The following IL1RL2 variants were observed in gnomAD, a reference collection of about 807,000 sequenced individuals.
IL1RL2 encodes the protein interleukin 1 receptor like 2.
Under a neutral mutation model 66.8 loss-of-function variants are expected in IL1RL2, and 68 were observed. That is an observed-to-expected ratio of 1.02 (90% confidence interval 0.84 to 1.25). The LOEUF is 1.25. Ranked by LOEUF, IL1RL2 falls within the 50% of genes most tolerant of loss-of-function variation. IL1RL2 has a pLI of 0.00. For synonymous variants in IL1RL2, 305 were observed against 264.6 expected (o/e 1.15, Z -1.48); for missense variants, 729 against 709.3 (o/e 1.03, Z -0.32).
intron 4 of IL1RL2, among the ~76,000 whole-genome samples, chr2:102,195,555 CTTTCTCTTTCTT>C (rs1559529553): frequency 1.9e-5 from 1 of 53,372 alleles, no homozygotes; most frequent in African/African-American, 5.2e-5. Context: ...CTATTTCTTT[CTTTCTCTTTCTT>C]TCTTTCTTTC....
In IL1RL2 at chr2:102,225,613, G is replaced by T. The variant is rs532227663; in HGVS notation, c.992-285G>T. ...TTTGAAAGCAGTTCTCGTCCAGTTG[G>T]GTCCATGCTGCGTCTACCACCGGAA... On this transcript the variant is annotated intron_variant, in intron 8 of 11. Transcript: ENST00000264257. Among the ~76,000 whole-genome samples the T allele has an allele frequency of 7.9e-5, 12 of 152,150 alleles. No homozygotes were observed. The South Asian group carries it at 2.3e-3, about 29-fold the overall frequency.
chr2:102,222,886 G>T (rs146888756), intron 8 of IL1RL2, among the ~76,000 whole-genome samples: 2 of 152,288 alleles, frequency 1.3e-5, no homozygotes, highest in African/African-American at 4.8e-5. Flanking sequence ...ACTTAAATCT[G>T]TCCCAACCTA....
intron 9 of IL1RL2, among the ~76,000 whole-genome samples, chr2:102,230,625 A>G (rs918592924): frequency 2.0e-5 from 3 of 152,230 alleles, no homozygotes; most frequent in African/African-American, 7.2e-5. Flanking sequence ...GCAGGGAGCC[A>G]ACGAAGTCTC....
At chr2:102,211,989 C>A in intron 5 of IL1RL2, 111 bp from the exon 6 acceptor site, 1 of 635,684 alleles carries the variant, frequency 1.6e-6, no homozygotes, top group Non-Finnish European at 2.7e-6. Context: ...GAGATTTTGA[C>A]CAGAGCTTAT....
At chr2:102,212,043 C>T (rs2104802623) in intron 5 of IL1RL2, 57 bp from the exon 6 acceptor site, 1 of 1,282,526 alleles carries the variant, frequency 7.8e-7, no homozygotes, top group East Asian at 2.3e-5. Flanking sequence ...CATCAAAGTA[C>T]TTGGGAATGT....
intron 3 of IL1RL2, 128 bp from the exon 4 acceptor site, chr2:102,191,797 T>A: frequency 1.6e-6 from 1 of 630,156 alleles, no homozygotes; most frequent in Non-Finnish European, 2.7e-6. Context: ...GGATGCTTAG[T>A]GCTTTGTTAG....
At chr2:102,187,299 C>T (rs896469240) in intron 1 of IL1RL2, 1 of 1,174,302 alleles carries the variant, frequency 8.5e-7, no homozygotes, top group Non-Finnish European at 1.1e-6. Flanking sequence ...TCAGCTCCAG[C>T]GGCTCCCTGC....
Position 102,201,563 on chromosome 2 carries a change from A to G in IL1RL2, c.497A>G (p.Asn166Ser), listed in dbSNP as rs1688256369. 1 of 1,614,070 alleles carries G rather than the reference A, an allele frequency of 6.2e-7. No homozygotes were observed. The highest frequency in any genetic ancestry group is 2.2e-5 in the East Asian group (1 of 44,882). Residue 166 changes from asparagine (N) to serine (S), a missense_variant, in exon 5 of 12, where the codon AAC (asparagine) becomes AGC (serine). By Grantham distance (46) the Asn-to-Ser change is conservative. Transcript: ENST00000264257. The part of the protein sequence containing the change: ...LGPIKWYKDC[N>S]EIKGERFTVL... ...TGTTTTTATTTGTATTAGGACTGTA[A>G]CGAGATTAAAGGGGAGCGGTTCACT...
chr2:102,195,631 C>CTTTCTTTCTTTCTT (rs1559530311), intron 4 of IL1RL2, among the ~76,000 whole-genome samples: 1 of 24,402 alleles, frequency 4.1e-5, no homozygotes, highest in African/African-American at 9.7e-5. Context: ...CTTTCTTTCT[C>CTTTCTTTCTTTCTT]TCTCTCTCTC....
downstream of IL1RL2, among the ~76,000 whole-genome samples, chr2:102,241,784 C>T (rs1042976574): frequency 3.3e-5 from 5 of 152,174 alleles, no homozygotes; most frequent in African/African-American, 1.2e-4. Flanking sequence ...AGACATGGCC[C>T]CAGGGAAGTG....
intron 4 of IL1RL2, among the ~76,000 whole-genome samples, chr2:102,194,193 C>T (rs942116350): frequency 2.6e-5 from 4 of 152,100 alleles, no homozygotes; most frequent in Admixed American, 6.6e-5. Context: ...ATTGGATTTA[C>T]CAGTTTTTGA....
At chr2:102,233,911 A>G (rs369222191) in intron 10 of IL1RL2, among the ~76,000 whole-genome samples, 1 of 152,152 alleles carries the variant, frequency 6.6e-6, no homozygotes, top group South Asian at 2.1e-4. Flanking sequence ...TATTCAACAA[A>G]TATTTACTGA....
intron 1 of IL1RL2, 40 bp downstream of exon 1, chr2:102,187,126 G>C: frequency 7.8e-7 from 1 of 1,286,992 alleles, no homozygotes; most frequent in Non-Finnish European, 1.0e-6. Flanking sequence ...CCAGGCATGG[G>C]TGGGGCCCTG....
At chr2:102,218,849 G>T in intron 6 of IL1RL2, 104 bp from the exon 7 acceptor site, 1 of 949,774 alleles carries the variant, frequency 1.1e-6, no homozygotes, top group Non-Finnish European at 1.6e-6. Flanking sequence ...GTAATCAAAA[G>T]GTATTCGAGG....
At chr2:102,206,268 G>A (rs1201446756) in intron 5 of IL1RL2, among the ~76,000 whole-genome samples, 3 of 152,058 alleles carry the variant, frequency 2.0e-5, no homozygotes, top group Non-Finnish European at 4.4e-5. Flanking sequence ...ATTCATTTGA[G>A]GAGGTCATGT....
At position 102,235,009 on chromosome 2, in the gene IL1RL2, C is replaced by G; in HGVS notation, c.1410C>G (p.Ile470Met). ...TGAAGAACCTGTCAGAAGAACAAAT[C>G]GCGGTCTACAGTGCCCTGATCCAGG... The part of the protein sequence containing the change: ...GLLKNLSEEQ[I>M]AVYSALIQDG... The change falls in exon 11 of 12, where the codon ATC becomes ATG. Residue 470 changes from isoleucine to methionine, a missense_variant. Physicochemically the swap from Ile to Met is conservative, Grantham distance 10. Transcript: ENST00000264257. 1 of 1,614,122 alleles carries G rather than the reference C, an allele frequency of 6.2e-7. No homozygotes were observed. Among genetic ancestry groups the G allele is most frequent in the Non-Finnish European group, 8.5e-7 (1 of 1,180,038 alleles).
downstream of IL1RL2, among the ~76,000 whole-genome samples, chr2:102,242,671 C>T (rs1460752030): frequency 6.6e-6 from 1 of 151,984 alleles, no homozygotes; most frequent in Non-Finnish European, 1.5e-5. Flanking sequence ...CCCACCTGCT[C>T]TGGGGAAGGC....
At chr2:102,241,523 G>A (rs578239742), downstream of IL1RL2, among the ~76,000 whole-genome samples, 5 of 152,208 alleles carry the variant, frequency 3.3e-5, no homozygotes, top group Non-Finnish European at 7.3e-5. Flanking sequence ...CAGAGAATAT[G>A]AACAGGACAT....
At chr2:102,196,689 A>C (rs1369489568) in intron 4 of IL1RL2, among the ~76,000 whole-genome samples, 2 of 152,192 alleles carry the variant, frequency 1.3e-5, no homozygotes, top group African/African-American at 4.8e-5. Flanking sequence ...CTGTGCTTGA[A>C]GAGTGAACAC....
Sources: allele counts gnomAD v4.1 joint callset (sites outside exome capture counted in the v4.1 genomes callset), GRCh38; gene constraint gnomAD v4.1.1; transcripts MANE v1.5; gene names NCBI Gene and HGNC (gene_info 2026-07-23, HGNC 2026-07-21).